RBFOX1: variants seen among roughly 807,000 people sequenced by gnomAD.
RBFOX1 encodes RNA binding fox-1 homolog 1, also known as RNA binding protein fox-1 homolog 1.
A neutral mutation model predicts 57.7 loss-of-function variants in RBFOX1; 8 were observed. That is an observed-to-expected ratio of 0.14 (90% CI 0.08 to 0.25). The LOEUF (loss-of-function observed/expected upper bound fraction) is 0.25, where lower values mean the gene tolerates loss of function less well. Among genes scored for constraint, RBFOX1 ranks in the 10% least tolerant of loss-of-function variants. The pLI is 1.00. For synonymous variants in RBFOX1, 326 were observed against 222.4 expected, an observed-to-expected ratio of 1.47 and a Z score of -4.15; for missense variants, 611 against 548.5, an observed-to-expected ratio of 1.11 and a Z score of -1.14.
At chr16:7,558,468 A>G (rs2089407377) in intron 5 of RBFOX1, among the ~76,000 whole-genome samples, 1 of 151,990 alleles carries the variant, frequency 6.6e-6, no homozygotes. Flanking sequence ...ATACATGTAT[A>G]GTACATAAAT....
intron 4 of RBFOX1, among the ~76,000 whole-genome samples, chr16:7,262,840 T>C (rs1044692477): frequency 6.6e-6 from 1 of 152,236 alleles, no homozygotes; most frequent in Admixed American, 6.5e-5. Context: ...GACTCAGATG[T>C]GGGGTGTCAG....
rs150317787 is a variant in RBFOX1, at chr16:5,493,698, G to T, written c.258+26444G>T. Reference sequence around the variant, plus strand: ...TCTCCCCAGTGAGGCCATGCCGAGTGTTGACACAGCAATATGCTTGCTTGC... The same window carrying T: ...TCTCCCCAGTGAGGCCATGCCGAGTTTTGACACAGCAATATGCTTGCTTGC... On this transcript the variant is annotated intron_variant, in intron 2 of 2. Coordinates refer to the RBFOX1 transcript ENST00000585867. 1.4e-4 allele frequency among the ~76,000 whole-genome samples: 22 copies of T among 152,338 alleles called. No individual in the cohort carries two copies. The East Asian group carries it at 4.1e-3, about 28-fold the overall frequency.
At chr16:5,757,821 T>C (rs2053453608) in intron 3 of RBFOX1, among the ~76,000 whole-genome samples, 1 of 152,248 alleles carries the variant, frequency 6.6e-6, no homozygotes, top group Non-Finnish European at 1.5e-5. Context: ...GTCATCTGTC[T>C]GATTTCTGGG....
At chr16:5,562,981 G>A (rs2045940459) in intron 2 of RBFOX1, among the ~76,000 whole-genome samples, 1 of 152,044 alleles carries the variant, frequency 6.6e-6, no homozygotes, top group Non-Finnish European at 1.5e-5. Flanking sequence ...ATGGAGTCTC[G>A]CTTTGTCACC....
chr16:5,801,298 C>T (rs2151753454), intron 3 of RBFOX1, among the ~76,000 whole-genome samples: 1 of 149,856 alleles, frequency 6.7e-6, no homozygotes, highest in Non-Finnish European at 1.5e-5. Context: ...TCAAATTATG[C>T]AGATTTTAAA....
At chr16:6,386,514 G>T (rs578213389) in intron 2 of RBFOX1, among the ~76,000 whole-genome samples, 1 of 152,116 alleles carries the variant, frequency 6.6e-6, no homozygotes, top group Non-Finnish European at 1.5e-5. Flanking sequence ...CATGATTCCT[G>T]CACCTTTTCG....
At chr16:6,355,318 T>C (rs928577645) in intron 2 of RBFOX1, among the ~76,000 whole-genome samples, 1 of 151,888 alleles carries the variant, frequency 6.6e-6, no homozygotes, top group African/African-American at 2.4e-5. Flanking sequence ...CAATGTGTGA[T>C]GTTCCCCTCC....
intron 1 of RBFOX1, among the ~76,000 whole-genome samples, chr16:5,456,193 C>A (rs2068626999): frequency 6.6e-6 from 1 of 151,970 alleles, no homozygotes; most frequent in South Asian, 2.1e-4. Flanking sequence ...TTTCTCCATG[C>A]CACTAGACAA....
intron 3 of RBFOX1, among the ~76,000 whole-genome samples, chr16:5,658,147 C>T (rs543044807): frequency 6.6e-6 from 1 of 152,120 alleles, no homozygotes. Flanking sequence ...CAGGATTGAT[C>T]CAGCAAGTGG....
intron 2 of RBFOX1, among the ~76,000 whole-genome samples, chr16:6,367,036 A>G (rs2089734340): frequency 6.6e-6 from 1 of 152,030 alleles, no homozygotes; most frequent in Non-Finnish European, 1.5e-5. Context: ...GCTTCACACT[A>G]TTTTCTTCCT....
intron 1 of RBFOX1, among the ~76,000 whole-genome samples, chr16:6,276,250 G>A (rs2152687068): frequency 6.6e-6 from 1 of 152,304 alleles, no homozygotes; most frequent in South Asian, 2.1e-4. Flanking sequence ...AGATAAATAT[G>A]TCAAATGTGT....
At chr16:7,270,238 G>A (rs1444874268) in intron 4 of RBFOX1, among the ~76,000 whole-genome samples, 1 of 152,186 alleles carries the variant, frequency 6.6e-6, no homozygotes, top group East Asian at 1.9e-4. Context: ...TTCTCAGTTA[G>A]GTGTGAAATA....
rs547673179 is a variant in RBFOX1 at position 7,191,355 on chromosome 16, G to C, written c.27+139257G>C. ...ACAAAAAAAGAAAAAAAAAAAAACA[G>C]CACATTGCTACAATATTTCCTGGAT... On this transcript the variant is annotated intron_variant, in intron 4 of 15. Transcript: ENST00000550418. Among the ~76,000 whole-genome samples, 10 of 149,556 alleles carry C rather than the reference G, an allele frequency of 6.7e-5. No individual in the cohort carries two copies. In the East Asian group the frequency reaches 1.6e-3, roughly 23 times the overall value.
chr16:6,273,351 T>G (rs1342475741), intron 1 of RBFOX1, among the ~76,000 whole-genome samples: 1 of 146,704 alleles, frequency 6.8e-6, no homozygotes, highest in Non-Finnish European at 1.5e-5. Flanking sequence ...TTTTTTTTTT[T>G]TTTTTTTTTT....
intron 1 of RBFOX1, among the ~76,000 whole-genome samples, chr16:5,349,690 G>C (rs2065220531): frequency 6.6e-6 from 1 of 152,016 alleles, no homozygotes; most frequent in Non-Finnish European, 1.5e-5. Flanking sequence ...AAAAAAACTT[G>C]TCAAGAGAGT....
At position 7,709,093 on chromosome 16, in the gene RBFOX1, G is replaced by C. The variant is rs150941982; in HGVS notation, c.1033G>C (p.Ala345Pro). The C allele has an allele frequency of 1.6e-5, 26 of 1,613,588 alleles. No individual in the cohort carries two copies. The Admixed American group carries it at 2.7e-4, about 17-fold the overall frequency. Residue 345 changes from alanine (A) to proline (P), a missense_variant, in exon 15 of 16, where the codon GCA becomes CCA. Ala to Pro is a conservative substitution (Grantham distance 27, BLOSUM62 -1). This residue lies in a region of RBFOX1 where 267 missense variants were observed against 229.1 expected (regional missense o/e 1.17). Coordinates refer to ENST00000550418, the MANE Select transcript of RBFOX1 (RefSeq NM_018723.4). ...TTATGCTGCCGACCCCTACCACCAC[G>C]CACTTGCTCCAGCCCCCACCTACGG... ...RVYAADPYHH[A>P]LAPAPTYGVG...
At chr16:6,602,836 C>T (rs1163084367) in intron 2 of RBFOX1, among the ~76,000 whole-genome samples, 2 of 152,078 alleles carry the variant, frequency 1.3e-5, no homozygotes, top group Non-Finnish European at 2.9e-5. Flanking sequence ...GGAGCTCATG[C>T]CCCACACACC....
intron 2 of RBFOX1, among the ~76,000 whole-genome samples, chr16:5,494,820 A>T (rs2042948453): frequency 6.6e-6 from 1 of 152,218 alleles, no homozygotes; most frequent in African/African-American, 2.4e-5. Flanking sequence ...TCAGAGATGA[A>T]AATGATCACG....
At position 5,993,340 on chromosome 16, in the gene RBFOX1, C is replaced by CGT. The variant is rs58189800; in HGVS notation, c.351+126049_351+126050dup. On this transcript the variant is annotated intron_variant, in intron 4 of 19. Coordinates refer to the RBFOX1 transcript ENST00000641259. ...TGCCTGCCTATTTGATAATGCTGTA[C>CGT]GTGTGTGTGTGTGTGTGTGTGTGTG... 5.5e-3 allele frequency among the ~76,000 whole-genome samples: 734 copies of CGT among 132,904 alleles called. 1 individual carries two copies. The highest frequency in any genetic ancestry group is 9.3e-3 in the Non-Finnish European group (578 of 62,354). 87.2% of individuals were successfully genotyped at this position (132,904 alleles called of 152,430 possible).
Sources: gnomAD v4.1 joint callset for allele counts (sites outside exome capture counted in the v4.1 genomes callset) on GRCh38, gnomAD v4.1.1 for gene constraint, gnomAD v4.1.1 regional missense constraint, MANE v1.5 for transcripts, NCBI Gene and HGNC (gene_info 2026-07-23, HGNC 2026-07-21) for gene names.